Variants in PCAT7 observed in about 807,000 individuals in gnomAD.
The protein encoded by PCAT7 is prostate cancer associated transcript 7 (non-protein coding).
rs199525966 is a variant in PCAT7 at position 94,571,532 on chromosome 9, G to T, written n.442-1447G>T. ...CACCAGGGTTGCACTACCGTACAGC[G>T]CATAACCTGCGGCCACAATATTGCG... is the stretch of plus-strand genomic sequence containing the variant. On this transcript the variant is annotated intron_variant and non_coding_transcript_variant, in intron 2 of 8. Coordinates refer to ENST00000647389, the Ensembl canonical transcript of PCAT7. 89 of 1,613,860 alleles carry T rather than the reference G, an allele frequency of 5.5e-5. No individual in the cohort carries two copies. The Admixed American group carries it at 1.5e-3, about 27-fold the overall frequency.
At chr9:94,565,921 C>A (rs1380096074) in intron 2 of PCAT7, among the ~76,000 whole-genome samples, 2 of 152,128 alleles carry the variant, frequency 1.3e-5, no homozygotes, top group African/African-American at 4.8e-5. Flanking sequence ...TAATTACACC[C>A]ATTCATTTTT....
chr9:94,561,122 A>T (rs915493818), intron 2 of PCAT7, among the ~76,000 whole-genome samples: 2 of 152,074 alleles, frequency 1.3e-5, no homozygotes, highest in South Asian at 2.1e-4. Context: ...CTCCCCTTTT[A>T]TGTGGGGGAT....
chr9:94,559,993 C>T lies in PCAT7; in HGVS notation n.441+841C>T, dbSNP rs536704239. ...TTTAAAAATTAACCAGGTGTGGTAG[C>T]GCACACCTGTGATCCCAGCTATTCA... On this transcript the variant is annotated intron_variant and non_coding_transcript_variant, in intron 2 of 8. Transcript: ENST00000647389. 1.0e-3 allele frequency among the ~76,000 whole-genome samples: 154 copies of T among 152,228 alleles called. 1 individual carries two copies. Among genetic ancestry groups the T allele is most frequent in the Admixed American group, 1.8e-3 (27 of 15,292 alleles).
intron 2 of PCAT7, chr9:94,568,387 C>T (rs940325912): frequency 2.0e-5 from 3 of 152,188 alleles, no homozygotes; most frequent in Non-Finnish European, 4.4e-5. Context: ...CTCTCAAATA[C>T]CCCTATGTCT....
intron 1 of PCAT7, chr9:94,558,661 AGAC>A: frequency 2.6e-6 from 1 of 380,482 alleles, no homozygotes; most frequent in Non-Finnish European, 4.9e-6. Context: ...GTGGGTTGAC[AGAC>A]GGAATTATAA....
At chr9:94,558,858 A>G (rs1489739807) in intron 1 of PCAT7, 33 of 1,317,074 alleles carry the variant, frequency 2.5e-5, no homozygotes, top group Non-Finnish European at 2.8e-5. Flanking sequence ...ACTCATAGCT[A>G]CCATCTCTGT....
At chr9:94,571,800 C>T (rs1827272977) in intron 2 of PCAT7, among the ~76,000 whole-genome samples, 1 of 152,220 alleles carries the variant, frequency 6.6e-6, no homozygotes, top group South Asian at 2.1e-4. Flanking sequence ...AAAGGCCATT[C>T]TTGGACTTCT....
intron 2 of PCAT7, chr9:94,563,259 A>G: frequency 2.7e-6 from 4 of 1,484,762 alleles, no homozygotes; most frequent in Non-Finnish European, 3.7e-6. Flanking sequence ...GAAGCAGTGC[A>G]GTAGCCAAAC....
chr9:94,571,310 G>T, intron 2 of PCAT7: 1 of 701,102 alleles, frequency 1.4e-6, no homozygotes, highest in East Asian at 3.1e-5. Context: ...GGTTTCTGAT[G>T]ATGGTTTTGG....
chr9:94,554,635 C>T (rs560908172), upstream of PCAT7, among the ~76,000 whole-genome samples: 3 of 152,368 alleles, frequency 2.0e-5, no homozygotes, highest in Admixed American at 1.3e-4. Context: ...AGGCGAGCCG[C>T]GGAGGCGCAA....
At chr9:94,561,975 C>T (rs1433094417) in intron 2 of PCAT7, among the ~76,000 whole-genome samples, 1 of 152,120 alleles carries the variant, frequency 6.6e-6, no homozygotes, top group Non-Finnish European at 1.5e-5. Context: ...TCTTTATGTT[C>T]TCCCCAATGT....
chr9:94,559,226 T>C (rs2280300), intron 2 of PCAT7: 644,800 of 1,056,134 alleles, frequency 0.61, 199,615 homozygotes, highest in Admixed American at 0.76. Context: ...TGTACTGCGG[T>C]GCTTCCATCT....
At chr9:94,557,465 T>A (rs1408735314) in intron 1 of PCAT7, among the ~76,000 whole-genome samples, 2 of 152,148 alleles carry the variant, frequency 1.3e-5, no homozygotes, top group Non-Finnish European at 2.9e-5. Context: ...AAGGTGAAAA[T>A]TTTTTGGTTG....
intron 1 of PCAT7, among the ~76,000 whole-genome samples, chr9:94,556,190 G>C (rs558027487): frequency 2.0e-5 from 3 of 151,658 alleles, no homozygotes; most frequent in Admixed American, 2.0e-4. Flanking sequence ...TAGGGAAAAG[G>C]CTTTGGGAAA....
exon 1 of PCAT7, chr9:94,555,113 GT>G (rs897942360): frequency 4.6e-5 from 7 of 151,662 alleles, no homozygotes; most frequent in Admixed American, 6.6e-5. Context: ...GCAGAGTTAC[GT>G]TTTTTTTGTT....
chr9:94,560,528 G>C (rs1270818727), intron 2 of PCAT7, among the ~76,000 whole-genome samples: 1 of 152,044 alleles, frequency 6.6e-6, no homozygotes, highest in African/African-American at 2.4e-5. Context: ...AGTGCAACCT[G>C]TGTAACTTCC....
At chr9:94,554,893 G>C (rs1045556798), upstream of PCAT7, among the ~76,000 whole-genome samples, 3 of 152,132 alleles carry the variant, frequency 2.0e-5, no homozygotes, top group African/African-American at 7.2e-5. Flanking sequence ...CAGAAATGAC[G>C]CGCCGCTGCC....
At chr9:94,562,430 A>G (rs1319495862) in intron 2 of PCAT7, among the ~76,000 whole-genome samples, 1 of 151,552 alleles carries the variant, frequency 6.6e-6, no homozygotes, top group African/African-American at 2.4e-5. Context: ...CAGTGTTCTT[A>G]GTTCAGTGGG....
rs148966344 is a variant in PCAT7, at chr9:94,567,835, A to G, written n.442-5144A>G. ...TATGAGGGATGCATTTTAACCATTA[A>G]TTTGTGGTACAGGCTGGGCGCAGTG... is the stretch of plus-strand genomic sequence containing the variant. On this transcript the variant is annotated intron_variant and non_coding_transcript_variant, in intron 2 of 8. Coordinates refer to ENST00000647389, the Ensembl canonical transcript of PCAT7. 2.4e-3 allele frequency: 400 copies of G among 163,500 alleles called. 3 individuals carry two copies. The highest frequency in any genetic ancestry group is 9.0e-3 in the African/African-American group (376 of 41,886). 10.1% of individuals were successfully genotyped at this position (163,500 alleles called of 1,614,324 possible).
Sources: gnomAD v4.1 joint callset for allele counts (sites outside exome capture counted in the v4.1 genomes callset) on GRCh38, gnomAD v4.1.1 for gene constraint, MANE v1.5 for transcripts, NCBI Gene and HGNC (gene_info 2026-07-23, HGNC 2026-07-21) for gene names.